The following GSE1 variants were observed in gnomAD, a reference collection of about 807,000 sequenced individuals.
GSE1 encodes Gse1 coiled-coil protein.
Under a neutral mutation model 112.6 loss-of-function variants are expected in GSE1, and 32 were observed. The observed-to-expected ratio is 0.28, with a 90% CI of 0.21 to 0.38. The LOEUF (loss-of-function observed/expected upper bound fraction) is 0.38. Ranked by LOEUF, GSE1 falls within the 10% of genes least tolerant of loss-of-function variation. The pLI is 1.00. For synonymous variants in GSE1, 1,115 were observed against 735.6 expected (o/e 1.52, Z -8.35); for missense variants, 2,348 against 1,699.2 (o/e 1.38, Z -6.71).
chr16:85,173,814 G>A (rs2074407022), intron 1 of GSE1, among the ~76,000 whole-genome samples: 1 of 152,200 alleles, frequency 6.6e-6, no homozygotes, highest in Admixed American at 6.5e-5. Context: ...TGGTGTGGAC[G>A]GGAACGCAGG....
At chr16:85,288,437 A>C (rs1405527433) in intron 1 of GSE1, among the ~76,000 whole-genome samples, 1 of 152,148 alleles carries the variant, frequency 6.6e-6, no homozygotes, top group Non-Finnish European at 1.5e-5. Flanking sequence ...AGGGCGGTGC[A>C]GTTAATTGGA....
At chr16:85,501,727 C>G (rs1471357017) in intron 2 of GSE1, among the ~76,000 whole-genome samples, 1 of 152,212 alleles carries the variant, frequency 6.6e-6, no homozygotes, top group Non-Finnish European at 1.5e-5. Flanking sequence ...GGTACCAGTT[C>G]AGCCCACAAC....
At chr16:85,544,257 C>A (rs1335549665) in intron 2 of GSE1, among the ~76,000 whole-genome samples, 1 of 152,184 alleles carries the variant, frequency 6.6e-6, no homozygotes, top group African/African-American at 2.4e-5. Context: ...ATCATCCGGC[C>A]CCCAGTGTCA....
intron 9 of GSE1, 174 bp from the exon 10 acceptor site, chr16:85,662,807 C>G (rs915060477): frequency 1.0e-5 from 6 of 590,830 alleles, no homozygotes. Flanking sequence ...TGCAAAGCCC[C>G]AGGACTGGGT....
chr16:85,301,015 T>G (rs912982304), intron 1 of GSE1, among the ~76,000 whole-genome samples: 10 of 152,100 alleles, frequency 6.6e-5, no homozygotes, highest in African/African-American at 2.4e-4. Context: ...GTGTGTTCCC[T>G]CCTCCAGGGG....
intron 1 of GSE1, among the ~76,000 whole-genome samples, chr16:85,582,479 A>G (rs1386745794): frequency 6.6e-6 from 1 of 152,114 alleles, no homozygotes; most frequent in Non-Finnish European, 1.5e-5. Context: ...CACTTGGGAA[A>G]GGGTGAAGCT....
intron 1 of GSE1, among the ~76,000 whole-genome samples, chr16:85,250,114 C>A (rs1460836128): frequency 6.6e-6 from 1 of 152,366 alleles, no homozygotes; most frequent in East Asian, 1.9e-4. Context: ...CTGCTCGGTT[C>A]TCTCCTAGTT....
chr16:85,520,084 A>G (rs568451857), intron 2 of GSE1, among the ~76,000 whole-genome samples: 5 of 152,332 alleles, frequency 3.3e-5, no homozygotes, highest in African/African-American at 1.2e-4. Flanking sequence ...CTTAACAACC[A>G]TCGAAATGTA....
chr16:85,385,610 C>T (rs945251922), intron 2 of GSE1, among the ~76,000 whole-genome samples: 5 of 152,150 alleles, frequency 3.3e-5, no homozygotes, highest in Non-Finnish European at 7.4e-5. Flanking sequence ...TCCCGTGGCA[C>T]CCCCAGGGCC....
chr16:85,261,467 G>A (rs1406868381), intron 1 of GSE1, among the ~76,000 whole-genome samples: 1 of 152,236 alleles, frequency 6.6e-6, no homozygotes, highest in Non-Finnish European at 1.5e-5. Flanking sequence ...ATCCCGCAGA[G>A]GAGGAGGGCG....
chr16:85,660,997 G>T, intron 8 of GSE1, 149 bp from the exon 9 acceptor site: 1 of 632,984 alleles, frequency 1.6e-6, no homozygotes, highest in Non-Finnish European at 2.8e-6. Context: ...GGGGTGGAGT[G>T]TGTGTCCCCT....
At chr16:85,436,964 GGGA>G (rs934834638) in intron 2 of GSE1, among the ~76,000 whole-genome samples, 2 of 152,232 alleles carry the variant, frequency 1.3e-5, no homozygotes, top group African/African-American at 4.8e-5. Flanking sequence ...GGATGGGGAG[GGGA>G]GGTTACCGTC....
chr16:85,207,776 C>A (rs573480728), intron 1 of GSE1: 1 of 152,416 alleles, frequency 6.6e-6, no homozygotes, highest in East Asian at 1.9e-4. Context: ...CTCTGGGTCG[C>A]CACTGATTCA....
At chr16:85,424,841 C>A (rs1034539473) in intron 2 of GSE1, among the ~76,000 whole-genome samples, 1 of 152,256 alleles carries the variant, frequency 6.6e-6, no homozygotes, top group Non-Finnish European at 1.5e-5. Flanking sequence ...GCTGCCCGCG[C>A]AGCTGTCACT....
rs143306574 is a variant in GSE1, at chr16:85,654,266, C to T, written c.427-12C>T. 4.5e-3 allele frequency: 7,048 copies of T among 1,581,924 alleles called. 26 individuals are homozygous for T. The highest frequency in any genetic ancestry group is 0.012 in the Middle Eastern group (63 of 5,352). Reference sequence around the variant, plus strand: ...CAGGCTCCTGCCCTGACTGGACGCTCTCCTCCCGCAGGATGCCGGCTCCAG... The same window carrying T: ...CAGGCTCCTGCCCTGACTGGACGCTTTCCTCCCGCAGGATGCCGGCTCCAG... On this transcript the variant is annotated splice_polypyrimidine_tract_variant and intron_variant, in intron 3 of 15. Coordinates refer to ENST00000253458, the MANE Select transcript of GSE1 (RefSeq NM_014615.5).
intron 1 of GSE1, among the ~76,000 whole-genome samples, chr16:85,242,094 T>A (rs1905214828): frequency 6.6e-6 from 1 of 152,166 alleles, no homozygotes; most frequent in Non-Finnish European, 1.5e-5. Context: ...CCCAAGTGAT[T>A]TGTGCTGGTG....
intron 1 of GSE1, among the ~76,000 whole-genome samples, chr16:85,622,258 C>T (rs2048788568): frequency 6.6e-6 from 1 of 152,166 alleles, no homozygotes; most frequent in East Asian, 1.9e-4. Flanking sequence ...GCTGAGGGTG[C>T]TTGTTGGTTT....
chr16:85,293,005 G>T (rs2045266883), intron 1 of GSE1, among the ~76,000 whole-genome samples: 1 of 152,178 alleles, frequency 6.6e-6, no homozygotes, highest in Non-Finnish European at 1.5e-5. Context: ...CCGTTTTGAA[G>T]AGTTTTGACA....
At chr16:85,403,682 G>T in intron 2 of GSE1, among the ~76,000 whole-genome samples, 1 of 151,900 alleles carries the variant, frequency 6.6e-6, no homozygotes, top group East Asian at 1.9e-4. Flanking sequence ...CATGCCTGTG[G>T]TCCCAGCTAT....
Sources: allele counts gnomAD v4.1 joint callset (sites outside exome capture counted in the v4.1 genomes callset), GRCh38; gene constraint gnomAD v4.1.1; transcripts MANE v1.5; gene names NCBI Gene and HGNC (gene_info 2026-07-23, HGNC 2026-07-21).